ENDOU: variants seen among roughly 807,000 people sequenced by gnomAD.
ENDOU encodes endonuclease, poly(U) specific.
ENDOU carries 49 observed loss-of-function variants against 54.2 expected under a neutral mutation model. The observed-to-expected ratio is 0.90, with a 90% CI of 0.72 to 1.15. The LOEUF (loss-of-function observed/expected upper bound fraction) is 1.15. Ranked by LOEUF, ENDOU falls within the 50% of genes most tolerant of loss-of-function variation. The probability of loss-of-function intolerance (pLI) is 0.00; values close to 1 mark genes in which losing one functional copy is unlikely to be tolerated. For synonymous variants in ENDOU, 172 were observed against 190.5 expected (o/e 0.90, Z 0.80); for missense variants, 458 against 511.4 (o/e 0.90, Z 1.01).
Position 47,725,370 on chromosome 12 carries a change from A to G in ENDOU, c.44T>C (p.Leu15Pro). 1 of 1,614,214 alleles carries G rather than the reference A, an allele frequency of 6.2e-7. No homozygotes were observed. The highest frequency in any genetic ancestry group is 8.5e-7 in the Non-Finnish European group (1 of 1,180,032). The change falls in exon 1 of 10, where the codon CTG becomes CCG. Residue 15 changes from leucine to proline, a missense_variant. By Grantham distance (98) the Leu-to-Pro change is moderately conservative. Coordinates refer to ENST00000422538, the MANE Select transcript of ENDOU (RefSeq NM_001172439.2). The stretch of plus-strand genomic sequence containing the variant: ...AGATAGTGACTTACCAGCCCAGGCC[A>G]GGCCACACAGCACGGCCAATACCAG... ...ISLVLAVLCG[L>P]AWAGKIESCA...
In ENDOU at chr12:47,717,590, AT is replaced by A; in HGVS notation, c.309del (p.Gln103HisfsTer34). 1 of 1,614,118 alleles carries A rather than the reference AT, an allele frequency of 6.2e-7. No individual in the cohort carries two copies. Among genetic ancestry groups the A allele is most frequent in the Non-Finnish European group, 8.5e-7 (1 of 1,180,010 alleles). ...TCTTGGCAGCGGGCATTGCAGTGAC[AT>A]TGGTGGTGCTTGTCAAAGGCTTCGT... is the stretch of plus-strand genomic sequence containing the variant. ...RCYEAFDKHH[Q>X]CHCNARCQEF... On this transcript the variant is annotated frameshift_variant, in exon 4 of 10. Transcript: ENST00000422538. LOFTEE classifies it high-confidence loss of function.
rs780911401 is a variant in ENDOU, at chr12:47,716,852, A to G, written c.551+38T>C. 2.5e-6 allele frequency: 4 copies of G among 1,608,124 alleles called. No homozygotes were observed. The South Asian group carries it at 4.4e-5, about 18-fold the overall frequency. On this transcript the variant is annotated intron_variant, in intron 5 of 9. Coordinates refer to ENST00000422538, the MANE Select transcript of ENDOU (RefSeq NM_001172439.2). ...ATCGAAAGAAGCAAGGATAGGGGCA[A>G]GATTTAGGGGGTAGAAAGAGGAATT...
intron 1 of ENDOU, among the ~76,000 whole-genome samples, chr12:47,721,839 C>T (rs1044145048): frequency 5.9e-5 from 9 of 152,166 alleles, no homozygotes; most frequent in Non-Finnish European, 1.2e-4. Flanking sequence ...TTGGATTTCA[C>T]GAACGCTGGG....
At chr12:47,716,837 G>A (rs1016037810) in intron 5 of ENDOU, 53 bp downstream of exon 5, 2 of 1,580,078 alleles carry the variant, frequency 1.3e-6, no homozygotes, top group Non-Finnish European at 1.7e-6. Flanking sequence ...ATCGAAAGAA[G>A]CAAGGATAGG....
intron 8 of ENDOU, 22 bp downstream of exon 8, chr12:47,712,494 C>G (rs1490484883): frequency 1.9e-6 from 3 of 1,567,042 alleles, no homozygotes; most frequent in Non-Finnish European, 2.6e-6. Flanking sequence ...TCTGACAAGG[C>G]TTTTCTAGTC....
rs773498955 is a variant in ENDOU at position 47,716,885 on chromosome 12, C to A, written c.551+5G>T. 6 of 1,613,780 alleles carry A rather than the reference C, an allele frequency of 3.7e-6. No individual in the cohort carries two copies. The Admixed American group carries it at 6.7e-5, about 18-fold the overall frequency. On this transcript the variant is annotated splice_donor_5th_base_variant and intron_variant, in intron 5 of 9. Coordinates refer to ENST00000422538, the MANE Select transcript of ENDOU (RefSeq NM_001172439.2). ...GGGGTAGAAAGAGGAATTGTGGGAA[C>A]TCACGGCTTTGGGCAGCGATCCACT...
At chr12:47,725,245 G>A (rs566784868) in intron 1 of ENDOU, 114 bp downstream of exon 1, 2 of 1,185,540 alleles carry the variant, frequency 1.7e-6, no homozygotes, top group Non-Finnish European at 2.5e-6. Context: ...TTAGGACAGA[G>A]CTCACCCTCC....
At chr12:47,717,294 C>T (rs1018700896) in intron 4 of ENDOU, among the ~76,000 whole-genome samples, 3 of 152,224 alleles carry the variant, frequency 2.0e-5, no homozygotes, top group African/African-American at 7.2e-5. Flanking sequence ...AGGGGTCTCA[C>T]GCTTGAGCAT....
rs1940325434 is a variant in ENDOU, at chr12:47,718,213, A to G, written c.179-19T>C. Reference sequence around the variant, plus strand: ...TGGTCCTCTGCAGGTAGATAGAAAAATAAAGTCACCAACAACCTGAGAATT... The same window carrying G: ...TGGTCCTCTGCAGGTAGATAGAAAAGTAAAGTCACCAACAACCTGAGAATT... On this transcript the variant is annotated intron_variant, in intron 2 of 9. Coordinates refer to ENST00000422538, the MANE Select transcript of ENDOU (RefSeq NM_001172439.2). The G allele has an allele frequency of 6.4e-7, 1 of 1,562,378 alleles. No homozygotes were observed. Among genetic ancestry groups the G allele is most frequent in the South Asian group, 1.2e-5 (1 of 85,134 alleles).
intron 3 of ENDOU, chr12:47,717,928 C>T (rs1338497675): frequency 6.5e-6 from 4 of 618,162 alleles, no homozygotes; most frequent in Non-Finnish European, 1.1e-5. Context: ...GGCTCTCTTT[C>T]CTAGCTACCC....
At chr12:47,711,277 T>C (rs970016726) in intron 9 of ENDOU, among the ~76,000 whole-genome samples, 1 of 152,202 alleles carries the variant, frequency 6.6e-6, no homozygotes, top group African/African-American at 2.4e-5. Flanking sequence ...TGAAGCCCAG[T>C]GGTTCCTAAT....
Position 47,720,846 on chromosome 12 carries a change from T to A in ENDOU, c.85A>T (p.Asn29Tyr). 1 of 1,536,102 alleles carries A rather than the reference T, an allele frequency of 6.5e-7. No homozygotes were observed. Among genetic ancestry groups the A allele is most frequent in the Non-Finnish European group, 8.7e-7 (1 of 1,146,900 alleles). ...GCAGCGTCCCGGTTAAATTTCTCAT[T>A]ACATCGAGATGCACAGGATTCTATT... ...GKIESCASRC[N>Y]EKFNRDAACQ... is the part of the protein sequence containing the mutation. Residue 29 changes from asparagine (N) to tyrosine (Y), a missense_variant, in exon 2 of 10, where the codon AAT becomes TAT. Asn to Tyr is a moderately radical substitution (Grantham distance 143). Coordinates refer to ENST00000422538, the MANE Select transcript of ENDOU (RefSeq NM_001172439.2).
chr12:47,721,552 T>A (rs760552125), intron 1 of ENDOU, among the ~76,000 whole-genome samples: 17 of 152,218 alleles, frequency 1.1e-4, no homozygotes, highest in Non-Finnish European at 2.5e-4. Context: ...CTGTGTCACA[T>A]CTTTCTGTTC....
intron 4 of ENDOU, 72 bp from the exon 5 acceptor site, chr12:47,717,130 A>ACCT: frequency 7.3e-7 from 1 of 1,367,954 alleles, no homozygotes; most frequent in Non-Finnish European, 1.0e-6. Context: ...TTATCTGTGT[A>ACCT]CCTCCCCTCC....
chr12:47,717,564 C>A lies in ENDOU; in HGVS notation c.336G>T (p.Glu112Asp). 2 of 1,614,190 alleles carry A rather than the reference C, an allele frequency of 1.2e-6. No individual in the cohort carries two copies. Among genetic ancestry groups the A allele is most frequent in the Non-Finnish European group, 1.7e-6 (2 of 1,180,030 alleles). ...CAAAATCCTTGCAGCAGTTCCCAAA[C>A]TCTTGGCAGCGGGCATTGCAGTGAC... ...HQCHCNARCQ[E>D]FGNCCKDFES... is the part of the protein sequence containing the mutation. Residue 112 changes from glutamate to aspartate, a missense_variant, in exon 4 of 10, where the codon GAG (glutamate) becomes GAT (aspartate). Physicochemically the swap from Glu to Asp is conservative, Grantham distance 45 (BLOSUM62 2). Coordinates refer to ENST00000422538, the MANE Select transcript of ENDOU (RefSeq NM_001172439.2).
intron 6 of ENDOU, among the ~76,000 whole-genome samples, chr12:47,715,335 C>G (rs980994545): frequency 5.2e-4 from 79 of 152,212 alleles, no homozygotes; most frequent in African/African-American, 1.8e-3. Context: ...GCATCGGAAC[C>G]CTGAGTTCCA....
chr12:47,715,719 C>T (rs1343315135), intron 6 of ENDOU, among the ~76,000 whole-genome samples: 3 of 152,314 alleles, frequency 2.0e-5, no homozygotes, highest in Admixed American at 2.0e-4. Context: ...AGAAGTCCTG[C>T]GGCCAAAATC....
At chr12:47,725,334 C>T (rs1212574763) in intron 1 of ENDOU, 25 bp downstream of exon 1, 3 of 1,613,602 alleles carry the variant, frequency 1.9e-6, no homozygotes, top group African/African-American at 1.3e-5. Context: ...ACCAGCAATC[C>T]CATGCCCGCC....
At position 47,712,531 on chromosome 12, in the gene ENDOU, G is replaced by A. The variant is rs1293375560; in HGVS notation, c.957C>T (p.His319=). ...EKEGLVDYYS[H]IYDGPWDSYP... ...GTGTACTCACAGGCCCATCGTAGAT[G>A]TGACTGTAATAGTCAACCAGACCCT... Residue 319 remains histidine, a synonymous_variant, in exon 8 of 10, where the codon CAC becomes CAT. Transcript: ENST00000422538. The A allele has an allele frequency of 1.2e-6, 2 of 1,613,016 alleles. No homozygotes were observed. Among genetic ancestry groups the A allele is most frequent in the South Asian group, 2.2e-5 (2 of 91,062 alleles).
Sources: allele counts gnomAD v4.1 joint callset (sites outside exome capture counted in the v4.1 genomes callset), GRCh38; gene constraint gnomAD v4.1.1; transcripts MANE v1.5; gene names NCBI Gene and HGNC (gene_info 2026-07-23, HGNC 2026-07-21).